The following SGK3 variants were observed in gnomAD, a reference collection of about 807,000 sequenced individuals.
SGK3 encodes serum/glucocorticoid regulated kinase family member 3.
In SGK3, 47 loss-of-function variants were observed where a neutral mutation model predicts 68.5. The observed-to-expected ratio is 0.69, with a 90% CI of 0.54 to 0.87. SGK3 has a LOEUF of 0.87. Ranked by LOEUF, SGK3 falls within the 40% of genes least tolerant of loss-of-function variation. The pLI is 0.00. For synonymous variants in SGK3, 181 were observed against 189.1 expected, an observed-to-expected ratio of 0.96 and a Z score of 0.35; for missense variants, 479 against 575.5, an observed-to-expected ratio of 0.83 and a Z score of 1.72.
chr8:66,745,661 T>A (rs1563606509), intron 1 of SGK3, among the ~76,000 whole-genome samples: 1 of 152,204 alleles, frequency 6.6e-6, no homozygotes, highest in Admixed American at 6.5e-5. Flanking sequence ...AGTCCATTTG[T>A]GCTGCTGCTA....
chr8:66,779,603 A>ATATAT (rs1563623107), intron 1 of SGK3, among the ~76,000 whole-genome samples: 3 of 122,290 alleles, frequency 2.5e-5, no homozygotes, highest in East Asian at 2.6e-4. Context: ...TATATATATA[A>ATATAT]AACACATTTT....
intron 1 of SGK3, among the ~76,000 whole-genome samples, chr8:66,760,338 T>G (rs541628698): frequency 5.4e-5 from 7 of 130,766 alleles, no homozygotes; most frequent in Non-Finnish European, 1.1e-4. Flanking sequence ...TTCTTTTTTT[T>G]TTTTTTTTTT....
Position 66,843,521 on chromosome 8 carries a change from G to A in SGK3, c.1048G>A (p.Val350Ile), listed in dbSNP as rs765358881. ...TGTAGATTGGTGGTGCCTTGGGGCTGTTCTGTATGAAATGCTGTATGGATT... is the reference window on the plus strand; with the variant it reads ...TGTAGATTGGTGGTGCCTTGGGGCTATTCTGTATGAAATGCTGTATGGATT... ...NTVDWWCLGA[V>I]LYEMLYGLPP... The change falls in exon 14 of 17, where the codon GTT becomes ATT. Residue 350 changes from valine (V) to isoleucine (I), a missense_variant. Coordinates refer to ENST00000521198, the MANE Select transcript of SGK3 (RefSeq NM_001033578.3). 2.5e-6 allele frequency: 4 copies of A among 1,613,898 alleles called. No homozygotes were observed. The Admixed American group carries it at 6.7e-5, about 27-fold the overall frequency.
intron 6 of SGK3, among the ~76,000 whole-genome samples, chr8:66,825,599 G>A (rs998176887): frequency 2.0e-5 from 3 of 152,004 alleles, no homozygotes; most frequent in East Asian, 1.9e-4. Flanking sequence ...GAGCCACCTC[G>A]TCTGGCCTAT....
At chr8:66,849,019 A>G (rs1185909331) in intron 15 of SGK3, among the ~76,000 whole-genome samples, 1 of 151,996 alleles carries the variant, frequency 6.6e-6, no homozygotes, top group Non-Finnish European at 1.5e-5. Context: ...TTCTTTCTGT[A>G]TTTCTGGACC....
chr8:66,812,322 G>T lies in SGK3; in HGVS notation c.254-1531G>T, dbSNP rs554061600. 7.9e-5 allele frequency among the ~76,000 whole-genome samples: 12 copies of T among 152,238 alleles called. No individual in the cohort carries two copies. The East Asian group carries it at 9.7e-4, about 12-fold the overall frequency. ...GCCTGTAATCCCAGCACTTTGGGAG[G>T]CCGAGGCAGGCAGATCACAAGGTCA... is the stretch of plus-strand genomic sequence containing the variant. On this transcript the variant is annotated intron_variant, in intron 4 of 16. Transcript: ENST00000521198.
chr8:66,727,822 A>G (rs1805027076), intron 1 of SGK3, among the ~76,000 whole-genome samples: 1 of 152,232 alleles, frequency 6.6e-6, no homozygotes, highest in Non-Finnish European at 1.5e-5. Flanking sequence ...GTATTCTGTT[A>G]TAGCAGCACA....
rs147367775 is a variant in SGK3, at chr8:66,827,211, A to G, written c.418-1443A>G. On this transcript the variant is annotated intron_variant, in intron 6 of 16. Coordinates refer to ENST00000521198, the MANE Select transcript of SGK3 (RefSeq NM_001033578.3). The stretch of plus-strand genomic sequence containing the variant: ...AGCCTGGTCAACATGGCGAAACCCT[A>G]TATCTACTAAAAATACAAAAATTAA... 1.6e-3 allele frequency among the ~76,000 whole-genome samples: 248 copies of G among 151,402 alleles called. 1 individual carries two copies. The highest frequency in any genetic ancestry group is 5.6e-3 in the African/African-American group (231 of 41,434).
At chr8:66,750,782 ATT>A (rs879370951) in intron 1 of SGK3, among the ~76,000 whole-genome samples, 304 of 150,854 alleles carry the variant, frequency 2.0e-3, no homozygotes, top group Middle Eastern at 0.01. Flanking sequence ...AGGCAGGTGG[ATT>A]TCTTGAGCCC....
intron 1 of SGK3, among the ~76,000 whole-genome samples, chr8:66,787,818 T>C (rs575423093): frequency 9.9e-5 from 15 of 152,188 alleles, no homozygotes; most frequent in Non-Finnish European, 1.8e-4. Context: ...TTAAAAAATA[T>C]ATAATTTTCC....
intron 4 of SGK3, among the ~76,000 whole-genome samples, chr8:66,808,866 T>G (rs1225425522): frequency 6.6e-6 from 1 of 151,122 alleles, no homozygotes; most frequent in Non-Finnish European, 1.5e-5. Context: ...AATTATTTAT[T>G]TATTTATTTA....
chr8:66,831,499 C>T (rs1050552671), intron 8 of SGK3, among the ~76,000 whole-genome samples, 188 bp downstream of exon 8: 5 of 152,080 alleles, frequency 3.3e-5, no homozygotes, highest in Admixed American at 3.3e-4. Flanking sequence ...ACCAGCATGC[C>T]TGGCTAATTT....
rs1321493016 is a variant in SGK3, at chr8:66,793,196, CCTCT to C, written c.-121-417_-121-414del. Among the ~76,000 whole-genome samples, 6 of 152,166 alleles carry C rather than the reference CCTCT, an allele frequency of 3.9e-5. No individual in the cohort carries two copies. The South Asian group carries it at 6.2e-4, about 16-fold the overall frequency. On this transcript the variant is annotated intron_variant, in intron 1 of 16. Transcript: ENST00000521198. ...AATCCGGGATGTACGAATTATTTCACCTCTCTGTGTTTCAGTTGCCTCATTTGTA... is the reference window on the plus strand; with the variant it reads ...AATCCGGGATGTACGAATTATTTCACCTGTGTTTCAGTTGCCTCATTTGTA...
Position 66,798,549 on chromosome 8 carries a change from A to C in SGK3, c.104A>C (p.Lys35Thr). The stretch of plus-strand genomic sequence containing the variant: ...AATTTTTTATTTCCACAGGTTTATA[A>C]AGTTCTGGTTTCAGTGGGAAGAAGT... ...REKKKRFTVY[K>T]VLVSVGRSEW... Residue 35 changes from lysine (K) to threonine (T), a missense_variant, in exon 3 of 17, where the codon AAA (lysine) becomes ACA (threonine). This residue lies in a region of SGK3 where 298 missense variants were observed against 329.4 expected (regional missense o/e 0.90). Coordinates refer to ENST00000521198, the MANE Select transcript of SGK3 (RefSeq NM_001033578.3). The C allele has an allele frequency of 6.2e-7, 1 of 1,609,252 alleles. No individual in the cohort carries two copies. The highest frequency in any genetic ancestry group is 1.3e-5 in the African/African-American group (1 of 74,916).
At chr8:66,726,179 T>C (rs1804982046) in intron 1 of SGK3, among the ~76,000 whole-genome samples, 1 of 152,210 alleles carries the variant, frequency 6.6e-6, no homozygotes, top group South Asian at 2.1e-4. Context: ...CTAATATTTA[T>C]TGAGTTTCTT....
chr8:66,779,577 TATATATATATATATATATATA>T (rs1806877902), intron 1 of SGK3, among the ~76,000 whole-genome samples: 1 of 132,934 alleles, frequency 7.5e-6, no homozygotes, highest in African/African-American at 2.8e-5. Flanking sequence ...TATATATATA[TATATATATATATATATATATA>T]TATAAAACAC....
At chr8:66,740,890 G>C (rs1424791226) in intron 1 of SGK3, among the ~76,000 whole-genome samples, 1 of 147,166 alleles carries the variant, frequency 6.8e-6, no homozygotes, top group Admixed American at 6.9e-5. Context: ...CTGGGCGGCA[G>C]GGTGAGACTC....
chr8:66,808,049 G>A (rs73691602), intron 4 of SGK3, among the ~76,000 whole-genome samples: 3,109 of 152,110 alleles, frequency 0.02, 110 homozygotes, highest in African/African-American at 0.07. Flanking sequence ...AAAGGTATGG[G>A]GATTCAAAAG....
At chr8:66,852,779 AG>A (rs1810348098) in intron 16 of SGK3, among the ~76,000 whole-genome samples, 1 of 152,244 alleles carries the variant, frequency 6.6e-6, no homozygotes. Flanking sequence ...TGACTCCATT[AG>A]GAATAATTTC....
Sources: gnomAD v4.1 joint callset for allele counts (sites outside exome capture counted in the v4.1 genomes callset) on GRCh38, gnomAD v4.1.1 for gene constraint, gnomAD v4.1.1 regional missense constraint, MANE v1.5 for transcripts, NCBI Gene and HGNC (gene_info 2026-07-23, HGNC 2026-07-21) for gene names.